Variants in ZNF804B observed in about 807,000 individuals in gnomAD.
The protein encoded by ZNF804B is zinc finger protein 804B.
ZNF804B carries 80 observed loss-of-function variants against 101.4 expected under a neutral mutation model. That is an observed-to-expected ratio of 0.79 (90% CI 0.66 to 0.95). The LOEUF (loss-of-function observed/expected upper bound fraction) is 0.95. ZNF804B is among the 40% of genes least tolerant of loss of function. The pLI is 0.00. For missense variants in ZNF804B, 1,673 were observed against 1,561.9 expected, an observed-to-expected ratio of 1.07 and a Z score of -1.20; for synonymous variants, 622 against 558.8, an observed-to-expected ratio of 1.11 and a Z score of -1.59.
rs1424781106 is a variant in ZNF804B, at chr7:89,338,251, A to C, written c.*1219A>C. ...TCTAATGCTGTCTATACGAAGATGC[A>C]AACTCCTCTACCACTAGAAGATTAG... On this transcript the variant is annotated 3_prime_UTR_variant, in exon 4 of 4. Transcript: ENST00000333190. Among the ~76,000 whole-genome samples, 2 of 152,114 alleles carry C rather than the reference A, an allele frequency of 1.3e-5. No homozygotes were observed. The highest frequency in any genetic ancestry group is 2.1e-4 in the South Asian group (1 of 4,832).
intron 1 of ZNF804B, among the ~76,000 whole-genome samples, chr7:88,845,300 C>T (rs544812777): frequency 1.7e-3 from 173 of 104,004 alleles, no homozygotes; most frequent in South Asian, 0.011. Flanking sequence ...CGCACGCGCG[C>T]GCACACACAC....
intron 1 of ZNF804B, among the ~76,000 whole-genome samples, chr7:88,766,080 C>G (rs1179118860): frequency 2.0e-5 from 3 of 152,096 alleles, no homozygotes; most frequent in African/African-American, 7.2e-5. Context: ...GTGAGGATCC[C>G]TTGAAGCCAG....
chr7:88,882,522 G>T (rs1792059067), intron 1 of ZNF804B, among the ~76,000 whole-genome samples: 1 of 152,118 alleles, frequency 6.6e-6, no homozygotes, highest in South Asian at 2.1e-4. Context: ...TCATTAGTGG[G>T]TGTATACCCA....
At position 89,083,902 on chromosome 7, in the gene ZNF804B, G is replaced by A. The variant is rs368090992; in HGVS notation, c.109-134253G>A. Among the ~76,000 whole-genome samples the A allele has an allele frequency of 3.9e-5, 6 of 151,936 alleles. No homozygotes were observed. The East Asian group carries it at 7.7e-4, about 20-fold the overall frequency. ...TAGGACCCATTTAATGATGCCTGAG[G>A]CCTGGAGTCAATATAACACTGTGAT... On this transcript the variant is annotated intron_variant, in intron 1 of 3. Transcript: ENST00000333190.
intron 2 of ZNF804B, among the ~76,000 whole-genome samples, chr7:89,277,485 CTCCCCCCT>C (rs1562934694): frequency 5.2e-5 from 1 of 19,382 alleles, no homozygotes; most frequent in Non-Finnish European, 1.3e-4. Flanking sequence ...CCCCTCCCCC[CTCCCCCCT>C]CCCCCCTACC....
chr7:89,220,930 G>C (rs1021315677), intron 2 of ZNF804B, among the ~76,000 whole-genome samples: 10 of 151,632 alleles, frequency 6.6e-5, no homozygotes, highest in African/African-American at 2.4e-4. Context: ...ATTTTCCTTG[G>C]TTTCCTTTTC....
At chr7:89,206,002 C>G (rs1788709365) in intron 1 of ZNF804B, among the ~76,000 whole-genome samples, 1 of 152,228 alleles carries the variant, frequency 6.6e-6, no homozygotes, top group African/African-American at 2.4e-5. Flanking sequence ...CAATTCTTGA[C>G]TTCTGTGCAT....
At chr7:89,168,752 T>G (rs1028450510) in intron 1 of ZNF804B, among the ~76,000 whole-genome samples, 1 of 151,318 alleles carries the variant, frequency 6.6e-6, no homozygotes, top group Non-Finnish European at 1.5e-5. Context: ...TTGTCTTTTC[T>G]TGCATAAAAC....
intron 1 of ZNF804B, among the ~76,000 whole-genome samples, chr7:88,862,883 G>C (rs1289307241): frequency 6.6e-6 from 1 of 152,062 alleles, no homozygotes; most frequent in African/African-American, 2.4e-5. Context: ...GTCTCACGCT[G>C]AGAAACCATT....
intron 2 of ZNF804B, among the ~76,000 whole-genome samples, chr7:89,236,751 A>T (rs941634245): frequency 4.6e-5 from 7 of 152,136 alleles, no homozygotes; most frequent in African/African-American, 1.7e-4. Context: ...GCTTTTATAT[A>T]AGGAAATGAA....
rs140068711 is a variant in ZNF804B at position 89,295,315 on chromosome 7, A to G, written c.250-32029A>G. On this transcript the variant is annotated intron_variant, in intron 2 of 3. Coordinates refer to ENST00000333190, the MANE Select transcript of ZNF804B (RefSeq NM_181646.5). Reference sequence around the variant, plus strand: ...CACTGCTCAGTACAAGATGCTATGTAGTACAGTTGCTCAAAATGCAATTCT... The same window carrying G: ...CACTGCTCAGTACAAGATGCTATGTGGTACAGTTGCTCAAAATGCAATTCT... Among the ~76,000 whole-genome samples, 150 of 152,276 alleles carry G rather than the reference A, an allele frequency of 9.9e-4. 2 individuals carry two copies. The highest frequency in any genetic ancestry group is 3.5e-3 in the African/African-American group (146 of 41,572).
chr7:88,913,642 C>T (rs1215004239), intron 1 of ZNF804B, among the ~76,000 whole-genome samples: 31 of 152,070 alleles, frequency 2.0e-4, no homozygotes, highest in Non-Finnish European at 1.8e-4. Flanking sequence ...GTGATCCACC[C>T]GCCTCGGCCT....
At chr7:89,230,283 A>G (rs1052948510) in intron 2 of ZNF804B, among the ~76,000 whole-genome samples, 10 of 139,524 alleles carry the variant, frequency 7.2e-5, no homozygotes, top group African/African-American at 2.7e-5. Flanking sequence ...AGGTTAACTA[A>G]GGAGAGAGAT....
chr7:88,832,736 T>C (rs1316113430), intron 1 of ZNF804B, among the ~76,000 whole-genome samples: 1 of 151,988 alleles, frequency 6.6e-6, no homozygotes, highest in African/African-American at 2.4e-5. Flanking sequence ...ACTTCAGTCA[T>C]TGCTGTTTGA....
intron 1 of ZNF804B, among the ~76,000 whole-genome samples, chr7:89,017,685 A>G (rs181259717): frequency 3.9e-5 from 6 of 152,100 alleles, no homozygotes; most frequent in African/African-American, 1.2e-4. Context: ...TTGTGTGTTC[A>G]TCAATTTCTT....
At chr7:88,782,973 G>A (rs756973892) in intron 1 of ZNF804B, among the ~76,000 whole-genome samples, 4 of 152,164 alleles carry the variant, frequency 2.6e-5, no homozygotes, top group African/African-American at 7.2e-5. Context: ...AGAATCACTG[G>A]CACTTCTGCA....
chr7:89,208,002 T>C (rs1185119896), intron 1 of ZNF804B, among the ~76,000 whole-genome samples: 1 of 152,164 alleles, frequency 6.6e-6, no homozygotes, highest in South Asian at 2.1e-4. Flanking sequence ...CTGATAGTCT[T>C]TCCATTTTGG....
intron 1 of ZNF804B, among the ~76,000 whole-genome samples, chr7:89,075,108 A>T (rs181585627): frequency 2.0e-5 from 3 of 152,208 alleles, no homozygotes; most frequent in Non-Finnish European, 4.4e-5. Flanking sequence ...AAAGTTCAGA[A>T]AATTTGCAGC....
chr7:89,150,583 G>A (rs1385443875), intron 1 of ZNF804B, among the ~76,000 whole-genome samples: 1 of 152,084 alleles, frequency 6.6e-6, no homozygotes, highest in Admixed American at 6.6e-5. Context: ...AAAGTTTTAA[G>A]TGTATATAAA....
Sources: gnomAD v4.1 joint callset for allele counts (sites outside exome capture counted in the v4.1 genomes callset) on GRCh38, gnomAD v4.1.1 for gene constraint, MANE v1.5 for transcripts, NCBI Gene and HGNC (gene_info 2026-07-23, HGNC 2026-07-21) for gene names.